Variants in TTYH1 observed in about 807,000 individuals in gnomAD.
TTYH1 encodes protein tweety homolog 1.
In TTYH1, 33 loss-of-function variants were observed where a neutral mutation model predicts 61.2. The ratio of observed to expected loss-of-function variants is 0.54; its 90% CI spans 0.41 to 0.72. TTYH1 has a LOEUF of 0.72. Ranked by LOEUF, TTYH1 falls within the 30% of genes least tolerant of loss-of-function variation. TTYH1 has a pLI of 0.00. For synonymous variants in TTYH1, 308 were observed against 266.4 expected, an observed-to-expected ratio of 1.16 and a Z score of -1.52; for missense variants, 538 against 575.8, an observed-to-expected ratio of 0.93 and a Z score of 0.67.
At chr19:54,426,649 C>T (rs765419728) in intron 4 of TTYH1, 24 bp from the exon 5 acceptor site, 1 of 1,604,698 alleles carries the variant, frequency 6.2e-7, no homozygotes, top group Non-Finnish European at 8.5e-7. Flanking sequence ...TTTGTGGTTT[C>T]AGCCCTACCC....
chr19:54,422,123 C>T (rs2083228497), intron 3 of TTYH1, 67 bp from the exon 4 acceptor site: 1 of 1,369,166 alleles, frequency 7.3e-7, no homozygotes, highest in East Asian at 2.5e-5. Context: ...CTTCTAAAAC[C>T]CCATGCCTCG....
At chr19:54,422,653 C>A (rs1006009164) in intron 4 of TTYH1, among the ~76,000 whole-genome samples, 1 of 152,030 alleles carries the variant, frequency 6.6e-6, no homozygotes, top group African/African-American at 2.4e-5. Flanking sequence ...GCTGGCCAGG[C>A]GCGGTGGCTC....
intron 10 of TTYH1, chr19:54,431,430 C>G: frequency 1.8e-6 from 1 of 545,332 alleles, no homozygotes; most frequent in South Asian, 2.2e-5. Context: ...CCCCAACTCC[C>G]GCACTCCCCG....
In TTYH1 at chr19:54,419,597, A is replaced by G; in HGVS notation, c.305+291A>G. ...CTGGTTTTGGTGGCTCTCCCATTGA[A>G]TAGCTGTGTGACCTAAGGGAGTGAT... On this transcript the variant is annotated intron_variant, in intron 2 of 13. Coordinates refer to ENST00000376530, the MANE Select transcript of TTYH1 (RefSeq NM_020659.4). This position sits in a 1 kb window ranked among gnomAD's most constrained non-coding sequence, Gnocchi z 6.1. The G allele has an allele frequency of 4.6e-6, 3 of 653,614 alleles. No homozygotes were observed. The Admixed American group carries it at 6.2e-5, about 13-fold the overall frequency. The allele number at this position is 653,614 out of a possible 1,614,324, so 40.5% of individuals were successfully genotyped here.
intron 4 of TTYH1, among the ~76,000 whole-genome samples, chr19:54,422,627 T>G (rs1955013426): frequency 1.3e-5 from 2 of 152,046 alleles, no homozygotes; most frequent in Admixed American, 1.3e-4. Context: ...CCAGCCACCA[T>G]GACAATTATG....
intron 1 of TTYH1, among the ~76,000 whole-genome samples, chr19:54,417,611 C>G (rs1336871770): frequency 7.7e-6 from 1 of 129,822 alleles, no homozygotes; most frequent in East Asian, 2.3e-4. Context: ...CTCCCATATA[C>G]AAGCACACAC....
In TTYH1 at chr19:54,436,055, C is replaced by G; in HGVS notation, c.1315-36C>G. 1 of 1,607,940 alleles carries G rather than the reference C, an allele frequency of 6.2e-7. No individual in the cohort carries two copies. Among genetic ancestry groups the G allele is most frequent in the Non-Finnish European group, 8.5e-7 (1 of 1,174,870 alleles). On this transcript the variant is annotated intron_variant, in intron 12 of 13. Coordinates refer to ENST00000376530, the MANE Select transcript of TTYH1 (RefSeq NM_020659.4). The surrounding 1 kb of genome is among the most constrained non-coding windows in gnomAD (Gnocchi z 4.3). ...GTACAAAGCCAATTCCCACTCCATT[C>G]CCTCCTCTCCCCCGCTACCCCGAAT...
intron 1 of TTYH1, among the ~76,000 whole-genome samples, chr19:54,417,199 C>T (rs1040571914): frequency 6.6e-6 from 1 of 151,864 alleles, no homozygotes; most frequent in African/African-American, 2.4e-5. Flanking sequence ...CACATATGCA[C>T]AGGCACACCC....
At chr19:54,427,421 C>T (rs1361264513) in intron 5 of TTYH1, among the ~76,000 whole-genome samples, 4 of 144,146 alleles carry the variant, frequency 2.8e-5, no homozygotes, top group South Asian at 2.2e-4. Context: ...CTGGCTAACA[C>T]GGTGAAACCC....
chr19:54,435,500 G>C lies in TTYH1; in HGVS notation c.1126-42G>C, dbSNP rs1395065406. Reference sequence around the variant, plus strand: ...ATGTGCACAGTGTGTGCCGATGGGGGAGGGGGTGGGGACGCATGGCCTGAT... The same window carrying C: ...ATGTGCACAGTGTGTGCCGATGGGGCAGGGGGTGGGGACGCATGGCCTGAT... On this transcript the variant is annotated intron_variant, in intron 10 of 13. Transcript: ENST00000376530. 1.9e-6 allele frequency: 3 copies of C among 1,553,936 alleles called. No homozygotes were observed. The African/African-American group carries it at 4.1e-5, about 21-fold the overall frequency.
intron 1 of TTYH1, 150 bp from the exon 2 acceptor site, chr19:54,418,978 G>A: frequency 2.6e-6 from 2 of 763,374 alleles, no homozygotes; most frequent in South Asian, 4.1e-5. Flanking sequence ...GGGAGGGGCT[G>A]GGACCCAATC....
Position 54,436,139 on chromosome 19 carries a change from C to G in TTYH1, c.*10C>G, listed in dbSNP as rs962292184. 1 of 1,614,160 alleles carries G rather than the reference C, an allele frequency of 6.2e-7. No homozygotes were observed. On this transcript the variant is annotated 3_prime_UTR_variant, in exon 13 of 14. Coordinates refer to ENST00000376530, the MANE Select transcript of TTYH1 (RefSeq NM_020659.4). The surrounding 1 kb of genome is among the most constrained non-coding windows in gnomAD (Gnocchi z 4.3). ...GCAGTCGTCTATCTGAGCCCCTCCT[C>G]CCGGCTGGACTGGAGCCTGGCTCCC... is the stretch of plus-strand genomic sequence containing the variant.
rs1385868506 is a variant in TTYH1 at position 54,422,101 on chromosome 19, A to C, written c.418-89A>C. ...AGATCTCAGACACCCGCTACTATGC[A>C]CCCCTCCTTCACTTCTAAAACCCCA... is the stretch of plus-strand genomic sequence containing the variant. On this transcript the variant is annotated intron_variant, in intron 3 of 13. Coordinates refer to ENST00000376530, the MANE Select transcript of TTYH1 (RefSeq NM_020659.4). The C allele has an allele frequency of 6.7e-6, 7 of 1,049,180 alleles. No homozygotes were observed. In the African/African-American group the frequency reaches 1.1e-4, roughly 17 times the overall value. 65.0% of individuals were successfully genotyped at this position (1,049,180 alleles called of 1,614,324 possible).
rs745691191 is a variant in TTYH1, at chr19:54,436,140, C to T, written c.*11C>T. The T allele has an allele frequency of 3.1e-6, 5 of 1,614,144 alleles. No individual in the cohort carries two copies. In the East Asian group the frequency reaches 1.1e-4, roughly 36 times the overall value. On this transcript the variant is annotated 3_prime_UTR_variant, in exon 13 of 14. Transcript: ENST00000376530. The surrounding 1 kb of genome is among the most constrained non-coding windows in gnomAD (Gnocchi z 4.3). Reference sequence around the variant, plus strand: ...CAGTCGTCTATCTGAGCCCCTCCTCCCGGCTGGACTGGAGCCTGGCTCCCC... The same window carrying T: ...CAGTCGTCTATCTGAGCCCCTCCTCTCGGCTGGACTGGAGCCTGGCTCCCC...
chr19:54,423,592 C>T (rs2083263299), intron 4 of TTYH1, among the ~76,000 whole-genome samples: 1 of 152,338 alleles, frequency 6.6e-6, no homozygotes, highest in Admixed American at 6.5e-5. Flanking sequence ...TTGCAGACCT[C>T]TGCCTTGGTT....
intron 4 of TTYH1, among the ~76,000 whole-genome samples, chr19:54,424,647 A>T (rs534342530): frequency 6.6e-6 from 1 of 152,340 alleles, no homozygotes; most frequent in African/African-American, 2.4e-5. Flanking sequence ...AGGGTGAGGC[A>T]GACCCACCAT....
At position 54,416,741 on chromosome 19, in the gene TTYH1, G is replaced by C. The variant is rs1200946970; in HGVS notation, c.126+1063G>C. 7.8e-7 allele frequency: 1 copy of C among 1,290,308 alleles called. No homozygotes were observed. The highest frequency in any genetic ancestry group is 1.0e-6 in the Non-Finnish European group (1 of 988,016). The allele number at this position is 1,290,308 out of a possible 1,614,324, so 79.9% of individuals were successfully genotyped here. A position where few individuals can be genotyped will look rare whatever the true frequency, so the allele number is the denominator to read the frequency against. The stretch of plus-strand genomic sequence containing the variant: ...AGCAGCTCTTCCCCGCCTGCTCCTC[G>C]CCGCCCCCTCTCCCCACACACGGGG... On this transcript the variant is annotated intron_variant, in intron 1 of 13. Coordinates refer to ENST00000376530, the MANE Select transcript of TTYH1 (RefSeq NM_020659.4). The surrounding 1 kb of genome is among the most constrained non-coding windows in gnomAD (Gnocchi z 7.0).
chr19:54,415,681 G>A lies in TTYH1; in HGVS notation c.126+3G>A. On this transcript the variant is annotated splice_donor_region_variant and intron_variant, in intron 1 of 13. Coordinates refer to ENST00000376530, the MANE Select transcript of TTYH1 (RefSeq NM_020659.4). This position sits in a 1 kb window ranked among gnomAD's most constrained non-coding sequence, Gnocchi z 5.2. ...CCCAAGAGCAGGAATACCAGCAGGTGGGACCGGGCGCCAGGGCCTGGGGGC... is the reference window on the plus strand; with the variant it reads ...CCCAAGAGCAGGAATACCAGCAGGTAGGACCGGGCGCCAGGGCCTGGGGGC... The A allele has an allele frequency of 1.3e-6, 2 of 1,549,018 alleles. No homozygotes were observed. Among genetic ancestry groups the A allele is most frequent in the Non-Finnish European group, 1.7e-6 (2 of 1,154,960 alleles).
chr19:54,426,954 G>A (rs1415097996), intron 5 of TTYH1, among the ~76,000 whole-genome samples, 186 bp downstream of exon 5: 1 of 152,148 alleles, frequency 6.6e-6, no homozygotes, highest in East Asian at 1.9e-4. Flanking sequence ...AGCCCTAACA[G>A]TATGAAGTAT....
Sources: allele counts gnomAD v4.1 joint callset (sites outside exome capture counted in the v4.1 genomes callset), GRCh38; gene constraint gnomAD v4.1.1; non-coding constraint Gnocchi (gnomAD v3.1); transcripts MANE v1.5; gene names NCBI Gene and HGNC (gene_info 2026-07-23, HGNC 2026-07-21).